The following SERPINB7 variants were observed in gnomAD, a reference collection of about 807,000 sequenced individuals.
The protein encoded by SERPINB7 is serpin family B member 7.
In SERPINB7, 31 loss-of-function variants were observed where a neutral mutation model predicts 37.4. That is an observed-to-expected ratio of 0.83 (90% CI 0.62 to 1.12). SERPINB7 has a LOEUF of 1.12. SERPINB7 is among the 50% of genes most tolerant of loss of function. SERPINB7 has a pLI of 0.00. For synonymous variants in SERPINB7, 163 were observed against 166.1 expected (o/e 0.98, Z 0.14); for missense variants, 521 against 455.3 (o/e 1.14, Z -1.31).
chr18:63,783,393 T>C (rs1440352629), intron 2 of SERPINB7, among the ~76,000 whole-genome samples: 3 of 152,044 alleles, frequency 2.0e-5, no homozygotes, highest in Non-Finnish European at 4.4e-5. Flanking sequence ...CAGGTGCACA[T>C]GAAGGGTTGA....
intron 2 of SERPINB7, among the ~76,000 whole-genome samples, chr18:63,785,421 T>C (rs1049061531): frequency 3.9e-5 from 6 of 152,310 alleles, no homozygotes; most frequent in Admixed American, 3.9e-4. Flanking sequence ...TTTTAAACAA[T>C]CCTTCCCAAT....
rs1175922535 is a variant in SERPINB7 at position 63,805,138 on chromosome 18, T to G, written c.*503T>G. The G allele has an allele frequency of 1.3e-5, 2 of 153,270 alleles. No homozygotes were observed. Among genetic ancestry groups the G allele is most frequent in the African/African-American group, 4.8e-5 (2 of 41,466 alleles). The allele number at this position is 153,270 out of a possible 1,614,324, so 9.5% of individuals were successfully genotyped here. ...ATATGTTTGATTTTAAATCAGTGTA[T>G]AATCTAGATGGTAAAAAATGTGAAA... On this transcript the variant is annotated 3_prime_UTR_variant, in exon 8 of 8. Coordinates refer to ENST00000398019, the MANE Select transcript of SERPINB7 (RefSeq NM_003784.4).
chr18:63,788,761 T>C (rs575981758), intron 2 of SERPINB7, among the ~76,000 whole-genome samples: 1 of 152,352 alleles, frequency 6.6e-6, no homozygotes, highest in South Asian at 2.1e-4. Flanking sequence ...ACCTTTTCTA[T>C]TCTTAGATGT....
chr18:63,799,169 A>G (rs2049520977), intron 6 of SERPINB7, among the ~76,000 whole-genome samples: 1 of 152,202 alleles, frequency 6.6e-6, no homozygotes, highest in South Asian at 2.1e-4. Context: ...TGCAAGGGGA[A>G]AAGTTATATT....
intron 1 of SERPINB7, among the ~76,000 whole-genome samples, chr18:63,758,515 G>T (rs549251918): frequency 1.3e-5 from 2 of 152,240 alleles, no homozygotes; most frequent in Non-Finnish European, 1.5e-5. Flanking sequence ...TTCTAAATAA[G>T]AATAATGTGT....
intron 1 of SERPINB7, among the ~76,000 whole-genome samples, chr18:63,765,364 C>T (rs1227632552): frequency 1.1e-4 from 17 of 152,066 alleles, no homozygotes; most frequent in Non-Finnish European, 2.1e-4. Context: ...GATGGCACTC[C>T]GTGGTCCACA....
At chr18:63,797,708 A>G (rs2049502877) in intron 5 of SERPINB7, among the ~76,000 whole-genome samples, 2 of 152,216 alleles carry the variant, frequency 1.3e-5, no homozygotes, top group South Asian at 4.1e-4. Flanking sequence ...AAGGCAAATC[A>G]GATCCATCAT....
intron 7 of SERPINB7, among the ~76,000 whole-genome samples, chr18:63,803,742 C>A (rs1474627607): frequency 6.6e-6 from 1 of 152,198 alleles, no homozygotes; most frequent in Non-Finnish European, 1.5e-5. Flanking sequence ...ATATTGGTCA[C>A]CCAAACCTTT....
At chr18:63,784,065 A>T (rs1701641) in intron 2 of SERPINB7, among the ~76,000 whole-genome samples, 80,507 of 151,974 alleles carry the variant, frequency 0.53, 21,644 homozygotes, top group East Asian at 0.65. Context: ...CTGAGAACTT[A>T]ATCAGTGTTC....
chr18:63,779,758 A>T (rs2049284007), intron 1 of SERPINB7, among the ~76,000 whole-genome samples: 1 of 152,062 alleles, frequency 6.6e-6, no homozygotes, highest in Non-Finnish European at 1.5e-5. Flanking sequence ...TTATAATTTC[A>T]TCAATAATTT....
At chr18:63,767,421 T>C (rs2049186624) in intron 1 of SERPINB7, among the ~76,000 whole-genome samples, 1 of 152,170 alleles carries the variant, frequency 6.6e-6, no homozygotes, top group Non-Finnish European at 1.5e-5. Context: ...CCCAGATCAA[T>C]CTGTTGATAT....
intron 2 of SERPINB7, among the ~76,000 whole-genome samples, chr18:63,783,840 T>C (rs1470000172): frequency 6.6e-6 from 1 of 152,214 alleles, no homozygotes; most frequent in African/African-American, 2.4e-5. Flanking sequence ...CTGGTGCCTG[T>C]TGTAACCTGT....
chr18:63,782,251 GA>G (rs1016888579), intron 1 of SERPINB7, 103 bp from the exon 2 acceptor site: 56 of 762,504 alleles, frequency 7.3e-5, no homozygotes, highest in South Asian at 1.7e-4. Flanking sequence ...CTCCAAGGCT[GA>G]AAAAAAATGA....
upstream of SERPINB7, among the ~76,000 whole-genome samples, chr18:63,774,265 A>T (rs1400517772): frequency 1.3e-5 from 2 of 152,004 alleles, no homozygotes; most frequent in Non-Finnish European, 2.9e-5. Flanking sequence ...AGTTAACAGG[A>T]CCCCCTTCTT....
rs919383732 is a variant in SERPINB7 at position 63,761,305 on chromosome 18, T to C, written c.-19+8185T>C. On this transcript the variant is annotated intron_variant, in intron 1 of 7. Coordinates refer to the SERPINB7 transcript ENST00000336429. ...CCTTTGTTTTGTCCAATTTCTCCCA[T>C]TTGGAATGGCTGTATTTACCCAATT... is the stretch of plus-strand genomic sequence containing the variant. Among the ~76,000 whole-genome samples the C allele has an allele frequency of 9.9e-5, 15 of 152,230 alleles. 1 individual carries two copies. The highest frequency in any genetic ancestry group is 9.2e-4 in the Admixed American group (14 of 15,278).
In SERPINB7 at chr18:63,796,279, G is replaced by A. The variant is rs1474310630; in HGVS notation, c.350G>A (p.Cys117Tyr). ...VYGFHKDYIECAEKLYDAKVE... is the reference protein window; with the variant it reads ...VYGFHKDYIEYAEKLYDAKVE... Reference sequence around the variant, plus strand: ...TCTTCTTTATAGGACTACATTGAGTGTGCCGAAAAATTATACGATGCCAAA... The same window carrying A: ...TCTTCTTTATAGGACTACATTGAGTATGCCGAAAAATTATACGATGCCAAA... The change falls in exon 5 of 8, where the codon TGT becomes TAT. Residue 117 changes from cysteine to tyrosine, a missense_variant. Cys to Tyr is a radical substitution (Grantham distance 194). Transcript: ENST00000398019. The A allele has an allele frequency of 6.2e-7, 1 of 1,606,516 alleles. No homozygotes were observed. Among genetic ancestry groups the A allele is most frequent in the Admixed American group, 1.7e-5 (1 of 59,994 alleles).
rs1411689329 is a variant in SERPINB7 at position 63,800,341 on chromosome 18, C to T, written c.598-525C>T. ...CCTCCCAAAGTGCTGGGATTACAGGCATGAGCCACAGCGCCTGGTCTTAAA... is the reference window on the plus strand; with the variant it reads ...CCTCCCAAAGTGCTGGGATTACAGGTATGAGCCACAGCGCCTGGTCTTAAA... On this transcript the variant is annotated intron_variant, in intron 6 of 7. Transcript: ENST00000398019. Among the ~76,000 whole-genome samples, 3 of 152,180 alleles carry T rather than the reference C, an allele frequency of 2.0e-5. No homozygotes were observed. In the East Asian group the frequency reaches 5.8e-4, roughly 29 times the overall value.
intron 4 of SERPINB7, among the ~76,000 whole-genome samples, chr18:63,793,679 G>A (rs1184114951): frequency 1.3e-5 from 2 of 151,976 alleles, no homozygotes; most frequent in Non-Finnish European, 2.9e-5. Context: ...TAATTTTTTT[G>A]TTGTTGAGAA....
At chr18:63,787,147 A>G (rs1294698857) in intron 2 of SERPINB7, among the ~76,000 whole-genome samples, 1 of 152,204 alleles carries the variant, frequency 6.6e-6, no homozygotes, top group Non-Finnish European at 1.5e-5. Flanking sequence ...GACACATCAC[A>G]TGAGGTCACA....
Sources: allele counts gnomAD v4.1 joint callset (sites outside exome capture counted in the v4.1 genomes callset), GRCh38; gene constraint gnomAD v4.1.1; transcripts MANE v1.5; gene names NCBI Gene and HGNC (gene_info 2026-07-23, HGNC 2026-07-21).